NCR1: variants seen among roughly 807,000 people sequenced by gnomAD.
The protein encoded by NCR1 is natural cytotoxicity triggering receptor 1, also known as NK cell-activating receptor.
NCR1 carries 30 observed loss-of-function variants against 32.5 expected under a neutral mutation model. The ratio of observed to expected loss-of-function variants is 0.92; its 90% CI spans 0.69 to 1.25. The LOEUF is 1.25. Ranked by LOEUF, NCR1 falls within the 50% of genes most tolerant of loss-of-function variation. The pLI, the probability that NCR1 is intolerant of heterozygous loss-of-function variation, is 0.00. For missense variants in NCR1, 369 were observed against 380.7 expected (o/e 0.97, Z 0.26); for synonymous variants, 169 against 143.4 (o/e 1.18, Z -1.28).
At chr19:54,936,569 C>T in the NCR1 span, 1 of 770,360 alleles carries the variant, frequency 1.3e-6, no homozygotes, top group Non-Finnish European at 2.2e-6. Flanking sequence ...TGTCTGTAAC[C>T]CCAGCACTTT....
At chr19:54,903,002 C>T (rs768770128), upstream of NCR1, among the ~76,000 whole-genome samples, 4 of 151,830 alleles carry the variant, frequency 2.6e-5, no homozygotes, top group Non-Finnish European at 4.4e-5. Flanking sequence ...TGGTGGCACA[C>T]GCCTGTAATC....
chr19:54,916,338 T>TTTG (rs1556721210), downstream of NCR1, among the ~76,000 whole-genome samples: 2 of 132,022 alleles, frequency 1.5e-5, no homozygotes, highest in Admixed American at 8.1e-5. Context: ...TTTTTTTTTT[T>TTTG]GAGACGAAGT....
In NCR1 at chr19:54,909,306, G is replaced by A. The variant is rs767656063; in HGVS notation, c.417G>A (p.Lys139=). The part of the protein sequence containing the change: ...HPGPEVISGE[K]VTFYCRLDTA... Reference sequence around the variant, plus strand: ...GACCCGAAGTGATCTCGGGAGAGAAGGTGACCTTCTACTGCCGTCTAGACA... The same window carrying A: ...GACCCGAAGTGATCTCGGGAGAGAAAGTGACCTTCTACTGCCGTCTAGACA... The change falls in exon 4 of 7, where the codon AAG becomes AAA. Residue 139 remains lysine (K), a synonymous_variant. Transcript: ENST00000291890. 1 of 1,614,102 alleles carries A rather than the reference G, an allele frequency of 6.2e-7. No individual in the cohort carries two copies. Among genetic ancestry groups the A allele is most frequent in the South Asian group, 1.1e-5 (1 of 91,076 alleles).
the NCR1 span, chr19:54,938,003 C>T: frequency 6.8e-7 from 1 of 1,476,140 alleles, no homozygotes; most frequent in Non-Finnish European, 9.5e-7. Flanking sequence ...GAAGCTTAGT[C>T]ATCGTTCAGG....
chr19:54,936,490 C>G, the NCR1 span: 1 of 1,377,060 alleles, frequency 7.3e-7, no homozygotes, highest in African/African-American at 1.4e-5. Flanking sequence ...TGTGTGGAGG[C>G]ATGTATAAAC....
At chr19:54,915,094 C>T (rs918480860), downstream of NCR1, among the ~76,000 whole-genome samples, 1 of 152,136 alleles carries the variant, frequency 6.6e-6, no homozygotes, top group Non-Finnish European at 1.5e-5. Context: ...TGTAACAGCA[C>T]TTGAACCCTG....
At chr19:54,924,716 A>G in the NCR1 span, among the ~76,000 whole-genome samples, 2 of 152,190 alleles carry the variant, frequency 1.3e-5, no homozygotes, top group East Asian at 1.9e-4. Context: ...CGGGCAGATC[A>G]CCTGAGGTCA....
At chr19:54,900,348 G>A in the NCR1 span, among the ~76,000 whole-genome samples, 1 of 152,180 alleles carries the variant, frequency 6.6e-6, no homozygotes, top group Non-Finnish European at 1.5e-5. Flanking sequence ...GAAAATTACA[G>A]TCAAAAGGGG....
Position 54,912,675 on chromosome 19 carries a change from T to C in NCR1, c.734-15T>C, listed in dbSNP as rs200195179. ...TACATCCCTGTCAGCGATCACCCTG[T>C]TCTCCTGCCTACAGACCATGCCCTC... On this transcript the variant is annotated splice_polypyrimidine_tract_variant and intron_variant, in intron 6 of 6. Coordinates refer to ENST00000291890, the MANE Select transcript of NCR1 (RefSeq NM_004829.7). The C allele has an allele frequency of 2.8e-4, 439 of 1,561,880 alleles. No individual in the cohort carries two copies. The highest frequency in any genetic ancestry group is 3.7e-4 in the Non-Finnish European group (425 of 1,147,212).
At chr19:54,911,801 G>T (rs1026206284) in intron 5 of NCR1, among the ~76,000 whole-genome samples, 1 of 152,030 alleles carries the variant, frequency 6.6e-6, no homozygotes, top group Admixed American at 6.6e-5. Context: ...AGACCAGCCT[G>T]GCCAACATGG....
downstream of NCR1, among the ~76,000 whole-genome samples, chr19:54,916,317 C>CTTTTTTTCTTTTTTTTTTTT (rs2068131101): frequency 1.1e-5 from 1 of 87,124 alleles, no homozygotes; most frequent in Admixed American, 1.3e-4. Context: ...GAATATTGTG[C>CTTTTTTTCTTTTTTTTTTTT]TTTTTTTTTT....
In NCR1 at chr19:54,909,382, C is replaced by G. The variant is rs1385020306; in HGVS notation, c.493C>G (p.Gln165Glu). The change falls in exon 4 of 7, where the codon CAG (glutamine) becomes GAG (glutamate). Residue 165 changes from glutamine to glutamate, a missense_variant. Transcript: ENST00000291890. ...LLKEGRSSHV[Q>E]RGYGKVQAEF... ...CAAGGAGGGAAGATCCAGCCACGTA[C>G]AGCGCGGATACGGGAAGGTCCAGGC... The G allele has an allele frequency of 1.4e-5, 23 of 1,614,070 alleles. No individual in the cohort carries two copies. The highest frequency in any genetic ancestry group is 1.9e-5 in the Non-Finnish European group (22 of 1,180,030).
the NCR1 span, chr19:54,923,569 G>A: frequency 1.3e-6 from 1 of 741,326 alleles, no homozygotes; most frequent in African/African-American, 1.7e-5. Context: ...TCATGTGAAG[G>A]GGGTGCGTGA....
chr19:54,903,216 A>T (rs770269664), upstream of NCR1, among the ~76,000 whole-genome samples: 1 of 151,710 alleles, frequency 6.6e-6, no homozygotes, highest in Non-Finnish European at 1.5e-5. Context: ...ATCCACCAGG[A>T]TATATTCCAA....
upstream of NCR1, among the ~76,000 whole-genome samples, chr19:54,903,352 A>ATGTATGCATG (rs2067344415): frequency 8.7e-6 from 1 of 114,422 alleles, no homozygotes; most frequent in Admixed American, 9.3e-5. Context: ...ACATATATGC[A>ATGTATGCATG]TATATACATA....
At chr19:54,915,840 T>G (rs1418661003), downstream of NCR1, 1 of 82,120 alleles carries the variant, frequency 1.2e-5, no homozygotes, top group African/African-American at 6.4e-5. Context: ...AGACTCCATC[T>G]CAAAAAAAAA....
At chr19:54,921,952 A>G in the NCR1 span, among the ~76,000 whole-genome samples, 2 of 150,800 alleles carry the variant, frequency 1.3e-5, no homozygotes, top group Non-Finnish European at 3.0e-5. Context: ...GCTGGAGTGC[A>G]GTGGCACAAT....
the NCR1 span, among the ~76,000 whole-genome samples, chr19:54,927,197 T>A: frequency 2.0e-5 from 3 of 151,870 alleles, no homozygotes; most frequent in Non-Finnish European, 2.9e-5. Flanking sequence ...AAGACTAGCC[T>A]GGCCAACATG....
the NCR1 span, among the ~76,000 whole-genome samples, chr19:54,921,283 C>T: frequency 6.6e-6 from 1 of 152,186 alleles, no homozygotes; most frequent in African/African-American, 2.4e-5. Flanking sequence ...CCGCTAAACA[C>T]TGTTACCACC....
Sources: allele counts gnomAD v4.1 joint callset (sites outside exome capture counted in the v4.1 genomes callset), GRCh38; gene constraint gnomAD v4.1.1; transcripts MANE v1.5; gene names NCBI Gene and HGNC (gene_info 2026-07-23, HGNC 2026-07-21).